The following COMMD5 variants were observed in gnomAD, a reference collection of about 807,000 sequenced individuals.
COMMD5 encodes the protein COMM domain containing 5, also known as COMM domain-containing protein 5.
In COMMD5, 10 loss-of-function variants were observed where a neutral mutation model predicts 6.9. The ratio of observed to expected loss-of-function variants is 1.44; its 90% CI spans 0.89 to 2.45. COMMD5 has a LOEUF of 2.45. Among genes scored for constraint, COMMD5 ranks in the 30% most tolerant of loss-of-function variants. COMMD5 has a pLI of 0.00. For synonymous variants in COMMD5, 127 were observed against 125.3 expected (o/e 1.01, Z -0.09); for missense variants, 234 against 287.8 (o/e 0.81, Z 1.35).
chr8:144,842,011 G>A lies in COMMD5; in HGVS notation c.*117-268C>T, dbSNP rs1386218294. ...TATTCAGCATCAAAGAATCCACACT[G>A]GGGAGAAGCCCTACAGATGTGAGGA... On this transcript the variant is annotated intron_variant and NMD_transcript_variant, in intron 1 of 1. Coordinates refer to the COMMD5 transcript ENST00000530332. 11 of 1,614,126 alleles carry A rather than the reference G, an allele frequency of 6.8e-6. 1 individual carries two copies. The highest frequency in any genetic ancestry group is 9.3e-6 in the Non-Finnish European group (11 of 1,180,058).
In COMMD5 at chr8:144,851,386, A is replaced by G; in HGVS notation, c.-48T>C. 1 of 1,562,712 alleles carries G rather than the reference A, an allele frequency of 6.4e-7. No homozygotes were observed. ...AGCCAGCCCAGGAGGTCGGTCCCAG[A>G]TGCAGATGCCTAGAGTGGGGTGGAG... On this transcript the variant is annotated 5_prime_UTR_variant, in exon 2 of 2. Coordinates refer to ENST00000305103, the MANE Select transcript of COMMD5 (RefSeq NM_014066.4).
downstream of COMMD5, chr8:144,838,297 C>T (rs1001668068): frequency 4.3e-5 from 25 of 583,478 alleles, no homozygotes; most frequent in South Asian, 1.5e-4. Flanking sequence ...TAATCTGCAA[C>T]GACTGTGTTT....
chr8:144,848,643 A>G (rs1830614117), downstream of COMMD5, among the ~76,000 whole-genome samples: 1 of 152,182 alleles, frequency 6.6e-6, no homozygotes, highest in Non-Finnish European at 1.5e-5. Context: ...CCTTTGTGGG[A>G]AGAGTTTGCT....
chr8:144,847,883 C>T (rs1186200058), downstream of COMMD5, among the ~76,000 whole-genome samples: 1 of 152,220 alleles, frequency 6.6e-6, no homozygotes, highest in Non-Finnish European at 1.5e-5. Context: ...CAAAGATGGA[C>T]AGGGCTGGCC....
At chr8:144,838,143 T>G (rs758736162), downstream of COMMD5, 6 of 702,952 alleles carry the variant, frequency 8.5e-6, no homozygotes, top group South Asian at 8.9e-5. Flanking sequence ...TTCCTTGGCT[T>G]GTGGATGCGT....
downstream of COMMD5, among the ~76,000 whole-genome samples, chr8:144,848,345 T>C (rs184918341): frequency 3.3e-4 from 50 of 152,026 alleles, 1 homozygote; most frequent in Admixed American, 2.6e-3. Flanking sequence ...AAAAATATCA[T>C]TGGAGGCCAG....
chr8:144,843,106 T>C (rs2130729172), intron 1 of COMMD5: 1 of 1,612,076 alleles, frequency 6.2e-7, no homozygotes, highest in Middle Eastern at 1.7e-4. Flanking sequence ...ATGCAATGAC[T>C]GTGGCAAAGC....
At chr8:144,841,422 T>C (rs775644650) in exon 2 of COMMD5, 5 of 1,614,206 alleles carry the variant, frequency 3.1e-6, no homozygotes, top group South Asian at 1.1e-5. Flanking sequence ...CAGAATCCTA[T>C]GGGACAGTGG....
intron 1 of COMMD5, chr8:144,842,947 A>C: frequency 1.2e-6 from 2 of 1,614,220 alleles, no homozygotes; most frequent in Non-Finnish European, 1.7e-6. Flanking sequence ...CGAATATGGG[A>C]ATGCCCTGGA....
chr8:144,850,714 T>C lies in COMMD5; in HGVS notation c.625A>G (p.Lys209Glu). The change falls in exon 2 of 2, where the codon AAG becomes GAG. Residue 209 changes from lysine (K) to glutamate (E), a missense_variant. By Grantham distance (56) the Lys-to-Glu change is moderately conservative. Coordinates refer to ENST00000305103, the MANE Select transcript of COMMD5 (RefSeq NM_014066.4). The surrounding 1 kb of genome is among the most constrained non-coding windows in gnomAD (Gnocchi z 4.0). ...CTCTTCTCCAGATCTGCCATCTCCT[T>C]TAGGACCAGGGCCACGCTGTACCGC... ...ELRYSVALVLKEMADLEKRCE... is the reference protein window; with the variant it reads ...ELRYSVALVLEEMADLEKRCE... 6.2e-7 allele frequency: 1 copy of C among 1,614,068 alleles called. No individual in the cohort carries two copies. Among genetic ancestry groups the C allele is most frequent in the Non-Finnish European group, 8.5e-7 (1 of 1,180,030 alleles).
At position 144,843,255 on chromosome 8, in the gene COMMD5, CAT is replaced by C. The variant is rs1328974616; in HGVS notation, c.*117-1514_*117-1513del. 20 of 1,411,324 alleles carry C rather than the reference CAT, an allele frequency of 1.4e-5. No homozygotes were observed. In the African/African-American group the frequency reaches 2.0e-4, roughly 14 times the overall value. 87.4% of individuals were successfully genotyped at this position (1,411,324 alleles called of 1,614,324 possible). On this transcript the variant is annotated intron_variant and NMD_transcript_variant, in intron 1 of 1. Coordinates refer to the COMMD5 transcript ENST00000530332. Reference sequence around the variant, plus strand: ...ATATGGAATCGTTTATACTGACAAACATGTAGAATGTTGGTAAAGGTTCAGAA... The same window carrying C: ...ATATGGAATCGTTTATACTGACAAACGTAGAATGTTGGTAAAGGTTCAGAA...
At chr8:144,842,729 C>A in intron 1 of COMMD5, 2 of 1,613,776 alleles carry the variant, frequency 1.2e-6, no homozygotes, top group Non-Finnish European at 1.7e-6. Context: ...ACACAGCTTA[C>A]AATACATCAA....
rs1213426536 is a variant in COMMD5 at position 144,850,496 on chromosome 8, GCT to G, written c.*166_*167del. 9 of 761,302 alleles carry G rather than the reference GCT, an allele frequency of 1.2e-5. No individual in the cohort carries two copies. In the African/African-American group the frequency reaches 1.6e-4, roughly 13 times the overall value. 47.2% of individuals were successfully genotyped at this position (761,302 alleles called of 1,614,324 possible). On this transcript the variant is annotated 3_prime_UTR_variant, in exon 2 of 2. Coordinates refer to ENST00000305103, the MANE Select transcript of COMMD5 (RefSeq NM_014066.4). This position sits in a 1 kb window ranked among gnomAD's most constrained non-coding sequence, Gnocchi z 4.0. ...ACTTCCAAAAAGAAAAAAAGGCATA[GCT>G]CTCTTTTTCAATTAAACAGAAAACT...
chr8:144,843,169 A>T, intron 1 of COMMD5: 1 of 1,568,976 alleles, frequency 6.4e-7, no homozygotes, highest in South Asian at 1.2e-5. Context: ...CATGGGATAG[A>T]CCACTTACAT....
chr8:144,842,430 T>C (rs1563844245), intron 1 of COMMD5: 2 of 1,614,208 alleles, frequency 1.2e-6, no homozygotes, highest in Non-Finnish European at 1.7e-6. Flanking sequence ...AGAAGCCTTA[T>C]AAATGCAACA....
intron 1 of COMMD5, among the ~76,000 whole-genome samples, chr8:144,844,540 G>C (rs200946370): frequency 4.6e-5 from 7 of 151,184 alleles, no homozygotes; most frequent in Non-Finnish European, 1.0e-4. Context: ...GAAACCCCGT[G>C]TCTACTAAAA....
At chr8:144,848,027 A>G (rs1254674080), downstream of COMMD5, among the ~76,000 whole-genome samples, 5 of 152,152 alleles carry the variant, frequency 3.3e-5, no homozygotes, top group Non-Finnish European at 7.3e-5. Flanking sequence ...TTTCAATGGA[A>G]AAAAATACTT....
downstream of COMMD5, among the ~76,000 whole-genome samples, chr8:144,845,459 AG>A (rs960828236): frequency 6.6e-6 from 1 of 152,096 alleles, no homozygotes. Flanking sequence ...TGGCACATGC[AG>A]GAACATGGAG....
intron 1 of COMMD5, chr8:144,842,091 C>T (rs144589431): frequency 1.8e-4 from 298 of 1,614,178 alleles, no homozygotes; most frequent in Middle Eastern, 8.2e-4. Context: ...AGAGAATCCA[C>T]ACAGGAGAGA....
Sources: allele counts gnomAD v4.1 joint callset (sites outside exome capture counted in the v4.1 genomes callset), GRCh38; gene constraint gnomAD v4.1.1; non-coding constraint Gnocchi (gnomAD v3.1); transcripts MANE v1.5; gene names NCBI Gene and HGNC (gene_info 2026-07-23, HGNC 2026-07-21).